MCC: variants seen among roughly 807,000 people sequenced by gnomAD.
MCC encodes colorectal mutant cancer protein.
Under a neutral mutation model 116.2 loss-of-function variants are expected in MCC, and 90 were observed. The ratio of observed to expected loss-of-function variants is 0.77; its 90% CI spans 0.65 to 0.92. MCC has a LOEUF of 0.92. Ranked by LOEUF, MCC falls within the 40% of genes least tolerant of loss-of-function variation. The pLI is 0.00. For missense variants in MCC, 1,516 were observed against 1,312.2 expected, an observed-to-expected ratio of 1.16 and a Z score of -2.40; for synonymous variants, 578 against 510.5, an observed-to-expected ratio of 1.13 and a Z score of -1.78.
intron 3 of MCC, among the ~76,000 whole-genome samples, chr5:113,184,732 A>G (rs552156868): frequency 6.6e-6 from 1 of 152,286 alleles, no homozygotes; most frequent in South Asian, 2.1e-4. Context: ...TAAAGTGGTT[A>G]AGTCTGAAAC....
chr5:113,488,262 C>CCCGTCG lies in MCC; in HGVS notation c.147_152dup (p.Asp52_Gly53dup), dbSNP rs1484266095. Reference sequence around the variant, plus strand: ...CCGCGTACCTGCTGATGTATCCGTCCCCGTCGCCGTCGCACGTCTGGAAGA... The same window carrying CCCGTCG: ...CCGCGTACCTGCTGATGTATCCGTCCCCGTCGCCGTCGCCGTCGCACGTCTGGAAGA... On this transcript the variant is annotated inframe_insertion, in exon 1 of 19. Coordinates refer to ENST00000408903, the MANE Select transcript of MCC (RefSeq NM_001085377.2). The CCCGTCG allele has an allele frequency of 6.3e-7, 1 of 1,595,430 alleles. No homozygotes were observed. The highest frequency in any genetic ancestry group is 8.5e-7 in the Non-Finnish European group (1 of 1,171,840).
At chr5:113,452,797 G>A (rs1484662884) in intron 1 of MCC, among the ~76,000 whole-genome samples, 1 of 152,220 alleles carries the variant, frequency 6.6e-6, no homozygotes, top group Non-Finnish European at 1.5e-5. Context: ...CATTGCAGGT[G>A]CATGCACAGG....
chr5:113,279,527 G>A (rs1024283092), intron 3 of MCC, among the ~76,000 whole-genome samples: 1 of 152,140 alleles, frequency 6.6e-6, no homozygotes, highest in Non-Finnish European at 1.5e-5. Flanking sequence ...TTTGTCTCTT[G>A]CAAATGAATA....
chr5:113,029,136 G>A (rs1463743231), intron 17 of MCC, 80 bp from the exon 18 acceptor site: 3 of 1,433,420 alleles, frequency 2.1e-6, no homozygotes, highest in Non-Finnish European at 2.8e-6. Context: ...AGTGGTGACA[G>A]AAAGAGGAAG....
At chr5:113,184,012 T>C (rs1761762457) in intron 3 of MCC, among the ~76,000 whole-genome samples, 1 of 149,010 alleles carries the variant, frequency 6.7e-6, no homozygotes, top group East Asian at 2.0e-4. Context: ...TAAAATGAAA[T>C]GTCTGATGCC....
At chr5:113,302,000 C>T (rs954727637) in intron 3 of MCC, among the ~76,000 whole-genome samples, 5 of 152,188 alleles carry the variant, frequency 3.3e-5, no homozygotes, top group African/African-American at 1.2e-4. Context: ...ACAAGCTTTA[C>T]CACTAGGTAA....
At chr5:113,192,536 A>G (rs1202207186) in intron 3 of MCC, among the ~76,000 whole-genome samples, 1 of 152,242 alleles carries the variant, frequency 6.6e-6, no homozygotes, top group Non-Finnish European at 1.5e-5. Flanking sequence ...TTAAAGACAC[A>G]CATGCATGGG....
At chr5:113,422,550 C>T (rs1444754333) in intron 1 of MCC, among the ~76,000 whole-genome samples, 1 of 152,216 alleles carries the variant, frequency 6.6e-6, no homozygotes, top group East Asian at 1.9e-4. Flanking sequence ...TACGAGCCAG[C>T]TCCAGTGCAT....
chr5:113,189,215 G>A (rs2150312793), intron 3 of MCC, among the ~76,000 whole-genome samples: 1 of 152,310 alleles, frequency 6.6e-6, no homozygotes, highest in East Asian at 1.9e-4. Context: ...CTCTTTGGAA[G>A]AGCTGGCATC....
chr5:113,245,221 G>A (rs1299968699), intron 3 of MCC, among the ~76,000 whole-genome samples: 1 of 151,212 alleles, frequency 6.6e-6, no homozygotes, highest in Non-Finnish European at 1.5e-5. Flanking sequence ...GAACCAGGGA[G>A]GCAGAAGTTG....
At chr5:113,194,074 C>T (rs1421709335) in intron 3 of MCC, among the ~76,000 whole-genome samples, 5 of 152,094 alleles carry the variant, frequency 3.3e-5, no homozygotes, top group African/African-American at 4.8e-5. Flanking sequence ...GGAAAAATTA[C>T]GCAGGCTCCA....
At chr5:113,147,670 C>G (rs186223489) in intron 4 of MCC, among the ~76,000 whole-genome samples, 14 of 152,282 alleles carry the variant, frequency 9.2e-5, no homozygotes, top group Admixed American at 8.5e-4. Context: ...ACTCTAAGTT[C>G]TTGCCCAGGT....
intron 13 of MCC, among the ~76,000 whole-genome samples, 186 bp from the exon 14 acceptor site, chr5:113,064,353 G>A (rs1458811090): frequency 6.6e-6 from 1 of 152,226 alleles, no homozygotes; most frequent in Non-Finnish European, 1.5e-5. Flanking sequence ...CGCTACATGT[G>A]GGAAGGTATT....
At chr5:113,173,579 C>T (rs1761181172) in intron 3 of MCC, among the ~76,000 whole-genome samples, 1 of 152,164 alleles carries the variant, frequency 6.6e-6, no homozygotes, top group African/African-American at 2.4e-5. Context: ...TCTATTCTCC[C>T]CCAATCAGTG....
At chr5:113,060,330 T>C (rs1161513525) in intron 14 of MCC, among the ~76,000 whole-genome samples, 1 of 152,168 alleles carries the variant, frequency 6.6e-6, no homozygotes, top group Non-Finnish European at 1.5e-5. Flanking sequence ...AAATTTTGTA[T>C]TTTTAATAGC....
rs1175324044 is a variant in MCC, at chr5:113,384,989, T to C, written c.394A>G (p.Thr132Ala). The change falls in exon 2 of 19, where the codon ACG becomes GCG. Residue 132 changes from threonine to alanine, a missense_variant. Physicochemically the swap from Thr to Ala is moderately conservative, Grantham distance 58 (BLOSUM62 0). Transcript: ENST00000408903. ...KLRDRIASWP[T>A]SSDNSLGALS... is the part of the protein sequence containing the mutation. ...CTACCCAAACTGTTGTCACTGCTCG[T>C]GGGCCAGGAAGCAATTCTATCCCTC... 1.9e-6 allele frequency: 3 copies of C among 1,614,200 alleles called. No homozygotes were observed. The highest frequency in any genetic ancestry group is 2.5e-6 in the Non-Finnish European group (3 of 1,180,026).
At chr5:113,183,821 T>C (rs1554063767) in intron 3 of MCC, among the ~76,000 whole-genome samples, 1 of 152,124 alleles carries the variant, frequency 6.6e-6, no homozygotes, top group Non-Finnish European at 1.5e-5. Flanking sequence ...GCAAGACTTG[T>C]GGGGAGAAAG....
At chr5:113,163,437 T>G (rs1349076869) in intron 3 of MCC, among the ~76,000 whole-genome samples, 1 of 152,242 alleles carries the variant, frequency 6.6e-6, no homozygotes, top group African/African-American at 2.4e-5. Context: ...AGTTCTTTCA[T>G]GTTGGTTTCC....
intron 14 of MCC, among the ~76,000 whole-genome samples, chr5:113,059,057 T>A (rs756644840): frequency 2.2e-4 from 34 of 152,044 alleles, no homozygotes; most frequent in Non-Finnish European, 3.5e-4. Context: ...CTGCCACCCT[T>A]AGGGCCCGGA....
Sources: gnomAD v4.1 joint callset for allele counts (sites outside exome capture counted in the v4.1 genomes callset) on GRCh38, gnomAD v4.1.1 for gene constraint, MANE v1.5 for transcripts, NCBI Gene and HGNC (gene_info 2026-07-23, HGNC 2026-07-21) for gene names.